Variants in PARP10 observed in about 807,000 individuals in gnomAD.
The protein encoded by PARP10 is protein mono-ADP-ribosyltransferase PARP10.
Under a neutral mutation model 82.4 loss-of-function variants are expected in PARP10, and 56 were observed. The ratio of observed to expected loss-of-function variants is 0.68; its 90% CI spans 0.55 to 0.85. The LOEUF is 0.85. PARP10 is among the 40% of genes least tolerant of loss of function. The pLI is 0.00. For missense variants in PARP10, 1,227 were observed against 1,379.4 expected (o/e 0.89, Z 1.75); for synonymous variants, 576 against 601.1 (o/e 0.96, Z 0.61).
Position 143,983,452 on chromosome 8 carries a change from A to G in PARP10, c.2137T>C (p.Ser713Pro). 5 of 1,606,414 alleles carry G rather than the reference A, an allele frequency of 3.1e-6. No individual in the cohort carries two copies. The highest frequency in any genetic ancestry group is 4.2e-6 in the Non-Finnish European group (5 of 1,179,226). ...TDGKAQLVVH[S>P]AFEQDVEELD... The stretch of plus-strand genomic sequence containing the variant: ...TCCTCCACATCCTGCTCAAAGGCCG[A>G]GTGCACCACCAGCTGGGCCTTGCCA... The change falls in exon 8 of 11, where the codon TCG becomes CCG. Residue 713 changes from serine to proline, a missense_variant. By Grantham distance (74) the Ser-to-Pro change is moderately conservative (BLOSUM62 -1). Coordinates refer to ENST00000313028, the MANE Select transcript of PARP10 (RefSeq NM_032789.5).
rs2133047950 is a variant in PARP10 at position 143,984,278 on chromosome 8, C to T, written c.1612G>A (p.Ala538Thr). Residue 538 changes from alanine to threonine, a missense_variant, in exon 6 of 11, where the codon GCT becomes ACT. Ala to Thr is a moderately conservative substitution (Grantham distance 58). Coordinates refer to ENST00000313028, the MANE Select transcript of PARP10 (RefSeq NM_032789.5). ...EGQHLLQGLE[A>T]QFQCVFGTER... ...GTCCCAAAGACACACTGGAACTGAG[C>T]CTCCAGCCCCTGGAGAAGGTGCTGC... 2 of 1,614,110 alleles carry T rather than the reference C, an allele frequency of 1.2e-6. No individual in the cohort carries two copies. The highest frequency in any genetic ancestry group is 4.5e-5 in the East Asian group (2 of 44,890).
intron 1 of PARP10, among the ~76,000 whole-genome samples, chr8:144,001,355 G>T (rs1177257699): frequency 6.6e-6 from 1 of 152,126 alleles, no homozygotes; most frequent in Admixed American, 6.6e-5. Context: ...AAGTACCTGG[G>T]ATTACAGGCG....
chr8:144,012,221 G>A (rs1834292367), intron 1 of PARP10, among the ~76,000 whole-genome samples: 1 of 152,218 alleles, frequency 6.6e-6, no homozygotes, highest in South Asian at 2.1e-4. Flanking sequence ...TGGGGGAGAG[G>A]AAGTTTCACG....
chr8:143,989,660 G>A (rs12545468), upstream of PARP10: 1 of 152,240 alleles, frequency 6.6e-6, no homozygotes, highest in Admixed American at 6.5e-5. This position sits in a 1 kb window ranked among gnomAD's most constrained non-coding sequence, Gnocchi z 4.3. Flanking sequence ...GGCTGACAGA[G>A]CAAATGGGGC....
At chr8:144,000,554 T>G (rs1834194287) in intron 1 of PARP10, among the ~76,000 whole-genome samples, 1 of 152,110 alleles carries the variant, frequency 6.6e-6, no homozygotes, top group Non-Finnish European at 1.5e-5. Context: ...ACCTAGAACC[T>G]GGGAGGCGGA....
At chr8:143,988,585 C>T (rs968867200), upstream of PARP10, among the ~76,000 whole-genome samples, 44 of 151,782 alleles carry the variant, frequency 2.9e-4, no homozygotes. Context: ...CCTGCCTCAG[C>T]CCCCCCAATA....
intron 1 of PARP10, among the ~76,000 whole-genome samples, chr8:144,009,382 C>T (rs1834256809): frequency 6.6e-6 from 1 of 152,216 alleles, no homozygotes; most frequent in Admixed American, 6.5e-5. Flanking sequence ...TATGCTCTGC[C>T]TGTGGCCTCC....
At chr8:144,007,256 T>C (rs1554752143) in intron 1 of PARP10, among the ~76,000 whole-genome samples, 4 of 152,298 alleles carry the variant, frequency 2.6e-5, no homozygotes, top group African/African-American at 9.6e-5. Context: ...CTCAGGAGAC[T>C]TTCCTCTGAG....
rs200427491 is a variant in PARP10, at chr8:143,983,488, C to G, written c.2101G>C (p.Gly701Arg). 1.2e-6 allele frequency: 2 copies of G among 1,606,730 alleles called. No individual in the cohort carries two copies. Among genetic ancestry groups the G allele is most frequent in the East Asian group, 2.2e-5 (1 of 44,674 alleles). Residue 701 changes from glycine (G) to arginine (R), a missense_variant, in exon 8 of 11, where the codon GGG becomes CGG. Gly to Arg is a moderately radical substitution (Grantham distance 125, BLOSUM62 -2). Coordinates refer to ENST00000313028, the MANE Select transcript of PARP10 (RefSeq NM_032789.5). ...PPLEAEEPPD[G>R]GTDGKAQLVV... ...AGCTGGGCCTTGCCATCAGTCCCCC[C>G]ATCTGGGGGCTCTTCTGCCTCCAAC...
chr8:143,992,485 A>G, upstream of PARP10: 6 of 1,614,040 alleles, frequency 3.7e-6, no homozygotes, highest in Non-Finnish European at 5.1e-6. Context: ...ACTTCACCTC[A>G]TGCATGGGCG....
At position 143,983,586 on chromosome 8, in the gene PARP10, C is replaced by T; in HGVS notation, c.2003G>A (p.Gly668Asp). 1 of 1,605,906 alleles carries T rather than the reference C, an allele frequency of 6.2e-7. No homozygotes were observed. Among genetic ancestry groups the T allele is most frequent in the Non-Finnish European group, 8.5e-7 (1 of 1,176,204 alleles). ...LALHRSLEPQ[G>D]QVAEQEEAAA... ...AGCCTCCTCCTGCTCAGCCACCTGA[C>T]CTTGAGGCTCCAGTGACCGGTGGAG... Residue 668 changes from glycine (G) to aspartate (D), a missense_variant, in exon 8 of 11, where the codon GGT becomes GAT. Coordinates refer to ENST00000313028, the MANE Select transcript of PARP10 (RefSeq NM_032789.5).
At chr8:144,012,516 A>T in intron 1 of PARP10, 1 of 1,551,714 alleles carries the variant, frequency 6.4e-7, no homozygotes, top group Non-Finnish European at 8.7e-7. Context: ...GCCCCAGGGC[A>T]TGTCTCTACT....
At chr8:143,999,495 C>T (rs61545625) in intron 1 of PARP10, among the ~76,000 whole-genome samples, 46,243 of 151,982 alleles carry the variant, frequency 0.3, 7,573 homozygotes, top group Non-Finnish European at 0.36. Context: ...TAAGCCACTA[C>T]GCTCAGCTTA....
At chr8:143,987,504 C>T (rs918557882), upstream of PARP10, among the ~76,000 whole-genome samples, 6 of 152,246 alleles carry the variant, frequency 3.9e-5, no homozygotes, top group African/African-American at 1.2e-4. Context: ...CTGTCTGCCA[C>T]TCCCATGGTG....
chr8:143,982,089 G>A (rs1273214489), intron 9 of PARP10, among the ~76,000 whole-genome samples: 2 of 151,820 alleles, frequency 1.3e-5, no homozygotes, highest in African/African-American at 4.8e-5. Flanking sequence ...GGGACAGCCA[G>A]AGGTTCTTTT....
chr8:143,994,113 G>C (rs1554751044), upstream of PARP10, among the ~76,000 whole-genome samples: 1 of 152,192 alleles, frequency 6.6e-6, no homozygotes, highest in African/African-American at 2.4e-5. Flanking sequence ...TTTGGACTTG[G>C]ATATTCCCAC....
At chr8:144,010,362 G>A (rs577301460) in intron 1 of PARP10, among the ~76,000 whole-genome samples, 7 of 152,262 alleles carry the variant, frequency 4.6e-5, no homozygotes, top group African/African-American at 1.2e-4. Flanking sequence ...ATATGTTTTC[G>A]GATGAAAGAA....
intron 1 of PARP10, among the ~76,000 whole-genome samples, chr8:144,001,158 C>A (rs1479225048): frequency 2.0e-5 from 3 of 151,758 alleles, no homozygotes; most frequent in African/African-American, 7.3e-5. Context: ...TCGTGATCTG[C>A]CCGCCTCAGC....
Position 143,986,164 on chromosome 8 carries a change from G to C in PARP10, c.72C>G (p.Asp24Glu), listed in dbSNP as rs782251123. ...TTTCAAAGTAGAGAGTGAGCAGCTC[G>C]TCGGGCACGGCAGGGGGCAGTCCAC... is the stretch of plus-strand genomic sequence containing the variant. ...EVRGLPPAVPDELLTLYFENR... is the reference protein window; with the variant it reads ...EVRGLPPAVPEELLTLYFENR... Residue 24 changes from aspartate to glutamate, a missense_variant, in exon 2 of 11, where the codon GAC (aspartate) becomes GAG (glutamate). Coordinates refer to ENST00000313028, the MANE Select transcript of PARP10 (RefSeq NM_032789.5). 7.4e-6 allele frequency: 12 copies of C among 1,613,888 alleles called. No homozygotes were observed. In the East Asian group the frequency reaches 2.7e-4, roughly 36 times the overall value.
Sources: gnomAD v4.1 joint callset for allele counts (sites outside exome capture counted in the v4.1 genomes callset) on GRCh38, gnomAD v4.1.1 for gene constraint, Gnocchi (gnomAD v3.1) non-coding constraint, MANE v1.5 for transcripts, NCBI Gene and HGNC (gene_info 2026-07-23, HGNC 2026-07-21) for gene names.